Variants in COP1 observed in about 807,000 individuals in gnomAD.
COP1 encodes E3 ubiquitin-protein ligase COP1.
In COP1, 24 loss-of-function variants were observed where a neutral mutation model predicts 101.3. The observed-to-expected ratio is 0.24, with a 90% CI of 0.17 to 0.33. COP1 has a LOEUF of 0.33. Ranked by LOEUF, COP1 falls within the 10% of genes least tolerant of loss-of-function variation. COP1 has a pLI of 1.00. For synonymous variants in COP1, 347 were observed against 341.9 expected, an observed-to-expected ratio of 1.01 and a Z score of -0.17; for missense variants, 663 against 906.2, an observed-to-expected ratio of 0.73 and a Z score of 3.45.
At chr1:176,140,858 G>A (rs1433824814) in intron 6 of COP1, among the ~76,000 whole-genome samples, 2 of 152,128 alleles carry the variant, frequency 1.3e-5, no homozygotes, top group Admixed American at 6.6e-5. Context: ...CTAAGACAAT[G>A]CTATTTGAGG....
chr1:176,085,707 C>T (rs1680012597), intron 10 of COP1, 69 bp downstream of exon 10: 1 of 882,064 alleles, frequency 1.1e-6, no homozygotes, highest in African/African-American at 1.7e-5. Context: ...TCCATAAATT[C>T]AGCACAAAAA....
chr1:176,190,407 C>T (rs921733592), intron 1 of COP1, among the ~76,000 whole-genome samples: 1 of 151,748 alleles, frequency 6.6e-6, no homozygotes, highest in South Asian at 2.1e-4. Context: ...TTATTAAAAT[C>T]GTGTTCTTCA....
In COP1 at chr1:176,082,474, T is replaced by C. The variant is rs1050736818; in HGVS notation, c.1142-1187A>G. On this transcript the variant is annotated intron_variant, in intron 10 of 19. Coordinates refer to ENST00000367669, the MANE Select transcript of COP1 (RefSeq NM_022457.7). ...TTAGGTTATCTTGAAAATAACTGTT[T>C]GCATGACGAAATTTATGTAACAATT... Among the ~76,000 whole-genome samples the C allele has an allele frequency of 2.6e-5, 4 of 152,306 alleles. No homozygotes were observed. The South Asian group carries it at 6.2e-4, about 24-fold the overall frequency.
intron 8 of COP1, chr1:176,133,783 G>A (rs973665476): frequency 2.3e-6 from 1 of 436,230 alleles, no homozygotes; most frequent in Admixed American, 2.6e-5. Flanking sequence ...AAGACAATGG[G>A]AATGAATCAT....
chr1:176,185,343 A>G (rs190572378), intron 1 of COP1, among the ~76,000 whole-genome samples: 113 of 152,318 alleles, frequency 7.4e-4, no homozygotes, highest in African/African-American at 2.6e-3. Flanking sequence ...AAGAAGTAAC[A>G]AAGTCAAAAT....
At chr1:176,163,233 TCTAAA>T (rs781736108) in intron 4 of COP1, among the ~76,000 whole-genome samples, 1 of 152,224 alleles carries the variant, frequency 6.6e-6, no homozygotes, top group Admixed American at 6.5e-5. Flanking sequence ...TTGAGACTAT[TCTAAA>T]GCTGTAATTT....
chr1:176,007,027 T>A, intron 15 of COP1, among the ~76,000 whole-genome samples: 1 of 152,168 alleles, frequency 6.6e-6, no homozygotes, highest in Non-Finnish European at 1.5e-5. Flanking sequence ...GTCCCGTATT[T>A]CTTGGAGGCT....
At chr1:176,095,242 A>G (rs1408872019) in intron 9 of COP1, among the ~76,000 whole-genome samples, 1 of 152,266 alleles carries the variant, frequency 6.6e-6, no homozygotes, top group Non-Finnish European at 1.5e-5. Context: ...AGCAGATTTA[A>G]TGACTAGCTT....
chr1:176,163,450 G>A (rs761463344), intron 4 of COP1, among the ~76,000 whole-genome samples: 1 of 152,044 alleles, frequency 6.6e-6, no homozygotes, highest in Non-Finnish European at 1.5e-5. Flanking sequence ...CAAATTCTTG[G>A]GCTTGAGTGA....
intron 2 of COP1, among the ~76,000 whole-genome samples, chr1:176,179,146 C>T (rs1199881131): frequency 1.3e-5 from 2 of 151,842 alleles, no homozygotes; most frequent in Admixed American, 6.6e-5. Context: ...CAAGAATTAG[C>T]GGGCATATTG....
intron 15 of COP1, among the ~76,000 whole-genome samples, chr1:176,007,394 C>G (rs370980626): frequency 6.6e-6 from 1 of 152,202 alleles, no homozygotes; most frequent in Non-Finnish European, 1.5e-5. Flanking sequence ...TGAGGAACTG[C>G]GTTCCTTTGG....
chr1:176,079,613 C>T (rs1006089980), intron 11 of COP1, among the ~76,000 whole-genome samples: 12 of 150,978 alleles, frequency 7.9e-5, no homozygotes, highest in African/African-American at 2.9e-4. Context: ...AACAAACCTG[C>T]TTATGTACCC....
chr1:176,008,616 A>T (rs1283508319), intron 15 of COP1, among the ~76,000 whole-genome samples: 1 of 152,068 alleles, frequency 6.6e-6, no homozygotes, highest in Non-Finnish European at 1.5e-5. Context: ...TCTACTAAGA[A>T]TTTTTCTTGT....
In COP1 at chr1:176,116,727, T is replaced by C. The variant is rs761933662; in HGVS notation, c.969-46A>G. On this transcript the variant is annotated intron_variant, in intron 8 of 19. Transcript: ENST00000367669. ...AATGTGATTTCAGTATTTACATTAT[T>C]TTAACAACAGAAAAAGTAAATCTAA... The C allele has an allele frequency of 5.2e-6, 7 of 1,349,610 alleles. No individual in the cohort carries two copies. The African/African-American group carries it at 7.3e-5, about 14-fold the overall frequency. The allele number at this position is 1,349,610 out of a possible 1,614,324, so 83.6% of individuals were successfully genotyped here. A position where few individuals can be genotyped will look rare whatever the true frequency, so the allele number is the denominator to read the frequency against.
rs948413544 is a variant in COP1, at chr1:176,027,696, C to A, written c.1613-8G>T. On this transcript the variant is annotated splice_polypyrimidine_tract_variant and splice_region_variant and intron_variant, in intron 14 of 19. Transcript: ENST00000367669. The stretch of plus-strand genomic sequence containing the variant: ...TGGTAGACCACAGCTTCACTAAGGG[C>A]AAAGGACAATAAAAACAAAAAGAGA... The A allele has an allele frequency of 3.3e-6, 5 of 1,525,738 alleles. No homozygotes were observed. The highest frequency in any genetic ancestry group is 3.4e-4 in the Middle Eastern group (2 of 5,884). 94.5% of individuals were successfully genotyped at this position (1,525,738 alleles called of 1,614,324 possible).
intron 11 of COP1, among the ~76,000 whole-genome samples, chr1:176,058,589 T>C (rs1035621441): frequency 6.6e-6 from 1 of 152,128 alleles, no homozygotes; most frequent in Non-Finnish European, 1.5e-5. Context: ...CACCACTCCC[T>C]AATCTCAAGT....
At chr1:176,089,473 CA>C (rs1450680433) in intron 9 of COP1, among the ~76,000 whole-genome samples, 1 of 152,174 alleles carries the variant, frequency 6.6e-6, no homozygotes, top group East Asian at 1.9e-4. Context: ...CTATAAAAAA[CA>C]AAGGTTTGTG....
chr1:176,095,081 CAAAT>C (rs1682084765), intron 9 of COP1, among the ~76,000 whole-genome samples: 3 of 152,252 alleles, frequency 2.0e-5, no homozygotes, highest in Admixed American at 2.0e-4. Context: ...TTCCAATCTA[CAAAT>C]ACTTTTTTCT....
chr1:176,113,424 T>C (rs574980763), intron 9 of COP1, among the ~76,000 whole-genome samples: 3 of 152,304 alleles, frequency 2.0e-5, no homozygotes, highest in South Asian at 2.1e-4. Flanking sequence ...TTGAGTCCAT[T>C]ATATATTCTG....
Sources: gnomAD v4.1 joint callset for allele counts (sites outside exome capture counted in the v4.1 genomes callset) on GRCh38, gnomAD v4.1.1 for gene constraint, MANE v1.5 for transcripts, NCBI Gene and HGNC (gene_info 2026-07-23, HGNC 2026-07-21) for gene names.